The following MCC variants were observed in gnomAD, a reference collection of about 807,000 sequenced individuals.
The protein encoded by MCC is colorectal mutant cancer protein.
Under a neutral mutation model 116.2 loss-of-function variants are expected in MCC, and 90 were observed. The ratio of observed to expected loss-of-function variants is 0.77; its 90% CI spans 0.65 to 0.92. The LOEUF (loss-of-function observed/expected upper bound fraction) is 0.92, where lower values mean the gene tolerates loss of function less well. MCC is among the 40% of genes least tolerant of loss of function. The probability of loss-of-function intolerance (pLI) is 0.00; values close to 1 mark genes in which losing one functional copy is unlikely to be tolerated. For missense variants in MCC, 1,516 were observed against 1,312.2 expected (o/e 1.16, Z -2.40); for synonymous variants, 578 against 510.5 (o/e 1.13, Z -1.78).
chr5:113,073,339 C>A (rs1401981097), intron 11 of MCC, among the ~76,000 whole-genome samples: 2 of 152,248 alleles, frequency 1.3e-5, no homozygotes, highest in African/African-American at 2.4e-5. Context: ...CCCTGGCATA[C>A]CACAAAGATT....
chr5:113,443,991 T>TTGTGTGTGTGTGTGTG lies in MCC; in HGVS notation c.170+44238_170+44253dup, dbSNP rs34145955. Among the ~76,000 whole-genome samples the TTGTGTGTGTGTGTGTG allele has an allele frequency of 2.3e-3, 338 of 144,080 alleles. 1 individual carries two copies. Among genetic ancestry groups the TTGTGTGTGTGTGTGTG allele is most frequent in the African/African-American group, 5.7e-3 (216 of 38,052 alleles). The allele number at this position is 144,080 out of a possible 152,430, so 94.5% of individuals were successfully genotyped here. On this transcript the variant is annotated intron_variant, in intron 1 of 18. Coordinates refer to ENST00000408903, the MANE Select transcript of MCC (RefSeq NM_001085377.2). ...GGGCCCACCACCATGCTCGGCTAAT[T>TTGTGTGTGTGTGTGTG]TGTGTGTGTGTGTGTGTGTGTGTGT... is the stretch of plus-strand genomic sequence containing the variant.
intron 3 of MCC, among the ~76,000 whole-genome samples, chr5:113,301,134 G>A (rs1352830012): frequency 2.0e-5 from 3 of 152,226 alleles, no homozygotes; most frequent in Non-Finnish European, 2.9e-5. Context: ...CACAGAGCTA[G>A]CACTCTTGAT....
intron 1 of MCC, among the ~76,000 whole-genome samples, chr5:113,441,416 A>C (rs781670728): frequency 7.9e-5 from 12 of 152,188 alleles, no homozygotes; most frequent in Admixed American, 1.3e-4. Context: ...TGGGGTTGGA[A>C]AACATTTTCT....
intron 5 of MCC, among the ~76,000 whole-genome samples, chr5:113,124,428 G>A (rs757559748): frequency 3.3e-5 from 5 of 152,202 alleles, no homozygotes; most frequent in Non-Finnish European, 5.9e-5. Context: ...CATGGCCAAC[G>A]TAATCAGCTT....
chr5:113,433,574 G>T (rs539613122), intron 1 of MCC: 4 of 927,356 alleles, frequency 4.3e-6, no homozygotes, highest in African/African-American at 1.7e-5. Flanking sequence ...TAGGGGCCAC[G>T]GGAGAACCAT....
At chr5:113,225,609 C>T (rs1398709751) in intron 3 of MCC, among the ~76,000 whole-genome samples, 1 of 152,152 alleles carries the variant, frequency 6.6e-6, no homozygotes, top group Non-Finnish European at 1.5e-5. Context: ...CCATGGAGTC[C>T]TTCACCTCCT....
In MCC at chr5:113,416,344, A is replaced by G. The variant is rs539572676; in HGVS notation, c.171-31132T>C. Reference sequence around the variant, plus strand: ...TGAAACAGGAGGATTGCTTGAGCACAGGAGTTTGAGGTTGTAGTGTGCTAT... The same window carrying G: ...TGAAACAGGAGGATTGCTTGAGCACGGGAGTTTGAGGTTGTAGTGTGCTAT... On this transcript the variant is annotated intron_variant, in intron 1 of 18. Coordinates refer to ENST00000408903, the MANE Select transcript of MCC (RefSeq NM_001085377.2). Among the ~76,000 whole-genome samples, 86 of 152,284 alleles carry G rather than the reference A, an allele frequency of 5.6e-4. 1 individual carries two copies. The South Asian group carries it at 0.017, about 31-fold the overall frequency.
In MCC at chr5:113,367,587, C is replaced by G. The variant is rs796572676; in HGVS notation, c.415+17381G>C. ...GGCCAAAAGAATTTTCCCAGACAAG[C>G]CTTCATTAAAACTTATGCTTGGGCA... On this transcript the variant is annotated intron_variant, in intron 2 of 18. Transcript: ENST00000408903. Among the ~76,000 whole-genome samples the G allele has an allele frequency of 1.3e-4, 16 of 123,976 alleles. No individual in the cohort carries two copies. In the South Asian group the frequency reaches 2.5e-3, roughly 20 times the overall value. The allele number at this position is 123,976 out of a possible 152,430, so 81.3% of individuals were successfully genotyped here. A position where few individuals can be genotyped will look rare whatever the true frequency, so the allele number is the denominator to read the frequency against.
chr5:113,101,734 C>G lies in MCC; in HGVS notation c.1398+5G>C. The G allele has an allele frequency of 6.2e-7, 1 of 1,612,848 alleles. No individual in the cohort carries two copies. The highest frequency in any genetic ancestry group is 1.1e-5 in the South Asian group (1 of 91,080). On this transcript the variant is annotated splice_donor_5th_base_variant and intron_variant, in intron 8 of 18. Coordinates refer to ENST00000408903, the MANE Select transcript of MCC (RefSeq NM_001085377.2). ...GCCTGACCATTATGGATGCAGCATG[C>G]TCACCCTCCTCCGGAGCCGGTCCCG...
chr5:113,101,474 T>C (rs935655769), intron 8 of MCC: 12 of 480,396 alleles, frequency 2.5e-5, no homozygotes, highest in Non-Finnish European at 4.1e-5. Flanking sequence ...CTGGAAAGTT[T>C]AGAATCACTG....
intron 3 of MCC, among the ~76,000 whole-genome samples, chr5:113,290,407 G>C (rs1039434724): frequency 6.6e-6 from 1 of 152,164 alleles, no homozygotes; most frequent in African/African-American, 2.4e-5. Context: ...CAAATTCTTT[G>C]AGTAAGAATA....
chr5:113,115,750 C>A (rs1027163667), intron 6 of MCC, among the ~76,000 whole-genome samples: 1 of 152,098 alleles, frequency 6.6e-6, no homozygotes, highest in Non-Finnish European at 1.5e-5. Context: ...TTCAAATCTA[C>A]GTATAATCAT....
At chr5:113,294,523 C>A in intron 3 of MCC, 1 of 1,479,886 alleles carries the variant, frequency 6.8e-7, no homozygotes, top group South Asian at 1.4e-5. Flanking sequence ...AGGACAGTTG[C>A]GAAGCGCAAA....
At chr5:113,292,506 A>C (rs993095920) in intron 3 of MCC, among the ~76,000 whole-genome samples, 2 of 152,188 alleles carry the variant, frequency 1.3e-5, no homozygotes, top group Non-Finnish European at 2.9e-5. Flanking sequence ...TGCAGGGACT[A>C]CAAAGCACTC....
intron 2 of MCC, among the ~76,000 whole-genome samples, chr5:113,369,301 C>T (rs1263139960): frequency 6.6e-6 from 1 of 152,044 alleles, no homozygotes; most frequent in Non-Finnish European, 1.5e-5. Context: ...CTAGGGGCTG[C>T]CAACCATCAG....
At chr5:113,409,287 T>C (rs1465345262) in intron 1 of MCC, among the ~76,000 whole-genome samples, 1 of 152,194 alleles carries the variant, frequency 6.6e-6, no homozygotes, top group East Asian at 1.9e-4. Flanking sequence ...TGAAGTCTTA[T>C]CACAAAAGCC....
At chr5:113,088,064 T>C (rs1018122322) in intron 8 of MCC, among the ~76,000 whole-genome samples, 4 of 152,240 alleles carry the variant, frequency 2.6e-5, no homozygotes, top group African/African-American at 9.6e-5. Flanking sequence ...CTACTTTCAC[T>C]TTAAAAACTT....
intron 5 of MCC, among the ~76,000 whole-genome samples, chr5:113,128,238 T>G (rs540294682): frequency 7.4e-4 from 113 of 152,356 alleles, no homozygotes; most frequent in Non-Finnish European, 3.4e-4. Flanking sequence ...TTGGAATGAT[T>G]TGTGGAGAAG....
intron 3 of MCC, among the ~76,000 whole-genome samples, chr5:113,295,183 AAAG>A (rs1440337701): frequency 1.3e-5 from 2 of 151,890 alleles, no homozygotes; most frequent in Non-Finnish European, 2.9e-5. Flanking sequence ...AAAAAAAAAA[AAAG>A]AAAAGAAAAA....
Sources: allele counts gnomAD v4.1 joint callset (sites outside exome capture counted in the v4.1 genomes callset), GRCh38; gene constraint gnomAD v4.1.1; transcripts MANE v1.5; gene names NCBI Gene and HGNC (gene_info 2026-07-23, HGNC 2026-07-21).